SWAP70: variants seen among roughly 807,000 people sequenced by gnomAD.
The protein encoded by SWAP70 is switching B cell complex subunit SWAP70, also known as switch-associated protein 70.
Under a neutral mutation model 80.2 loss-of-function variants are expected in SWAP70, and 34 were observed. That is an observed-to-expected ratio of 0.42 (90% CI 0.32 to 0.56). SWAP70 has a LOEUF of 0.56. Ranked by LOEUF, SWAP70 falls within the 20% of genes least tolerant of loss-of-function variation. SWAP70 has a pLI of 0.09. For missense variants in SWAP70, 578 were observed against 690.7 expected (o/e 0.84, Z 1.83); for synonymous variants, 239 against 238.5 (o/e 1.00, Z -0.02).
intron 1 of SWAP70, among the ~76,000 whole-genome samples, chr11:9,671,112 AAAATATATAT>A (rs1737782548): frequency 7.3e-6 from 1 of 136,728 alleles, no homozygotes; most frequent in South Asian, 2.1e-4. Context: ...TATAAATATA[AAAATATATAT>A]AAATATATTT....
Position 9,672,438 on chromosome 11 carries a change from C to T in SWAP70, c.99+8160C>T, listed in dbSNP as rs377603356. On this transcript the variant is annotated intron_variant, in intron 1 of 11. Transcript: ENST00000318950. ...GGAGTGCAGTGGCACGATCATAGCT[C>T]ACCATACCCATGACCTCCATGCTGA... 1.8e-4 allele frequency among the ~76,000 whole-genome samples: 27 copies of T among 151,202 alleles called. No individual in the cohort carries two copies. In the East Asian group the frequency reaches 4.8e-3, roughly 27 times the overall value.
At chr11:9,673,331 A>G (rs374404820) in intron 1 of SWAP70, among the ~76,000 whole-genome samples, 4 of 152,210 alleles carry the variant, frequency 2.6e-5, no homozygotes, top group African/African-American at 9.7e-5. Flanking sequence ...ATTTTAAAGG[A>G]TACAAATAGA....
rs369560464 is a variant in SWAP70, at chr11:9,685,942, A to G, written c.100-8204A>G. 2.0e-3 allele frequency among the ~76,000 whole-genome samples: 299 copies of G among 152,150 alleles called. 1 individual carries two copies. Among genetic ancestry groups the G allele is most frequent in the African/African-American group, 6.7e-3 (279 of 41,530 alleles). ...GAGCCATTGCTCCCGGCGAGGCCTC[A>G]CCTCTTAATACTGACACATTGGAGA... is the stretch of plus-strand genomic sequence containing the variant. On this transcript the variant is annotated intron_variant, in intron 1 of 11. Transcript: ENST00000318950.
chr11:9,685,233 A>G (rs969421269), intron 1 of SWAP70, among the ~76,000 whole-genome samples: 1 of 151,868 alleles, frequency 6.6e-6, no homozygotes, highest in African/African-American at 2.4e-5. Flanking sequence ...ATGGGAAAGC[A>G]TGCTTTGTGG....
chr11:9,700,891 T>G (rs1251011825), intron 2 of SWAP70, among the ~76,000 whole-genome samples: 1 of 152,188 alleles, frequency 6.6e-6, no homozygotes, highest in African/African-American at 2.4e-5. Context: ...CTTGTCTTAA[T>G]TAGTGTATGG....
At chr11:9,670,780 G>C (rs1411202155) in intron 1 of SWAP70, among the ~76,000 whole-genome samples, 4 of 151,624 alleles carry the variant, frequency 2.6e-5, no homozygotes, top group African/African-American at 9.7e-5. Context: ...CTGAGGCGGA[G>C]TCTTGCTCTA....
chr11:9,696,957 A>T (rs1051913798), intron 2 of SWAP70, among the ~76,000 whole-genome samples: 18 of 152,198 alleles, frequency 1.2e-4, no homozygotes, highest in Non-Finnish European at 1.9e-4. Context: ...TATATCTGTA[A>T]TACCAGCATT....
At chr11:9,684,730 G>T (rs1474219943) in intron 1 of SWAP70, among the ~76,000 whole-genome samples, 2 of 152,074 alleles carry the variant, frequency 1.3e-5, no homozygotes, top group African/African-American at 4.8e-5. Flanking sequence ...AAACATGGTA[G>T]TATAGTAAAA....
chr11:9,725,530 AATATATATATATATATATAT>A (rs1211819180), intron 4 of SWAP70, among the ~76,000 whole-genome samples: 7 of 60,576 alleles, frequency 1.2e-4, no homozygotes, highest in Non-Finnish European at 1.4e-4. Flanking sequence ...AAAAATACAA[AATATATATATATATATATAT>A]ATATATATAT....
At chr11:9,671,374 AAAT>A (rs1172008141) in intron 1 of SWAP70, among the ~76,000 whole-genome samples, 2 of 112,726 alleles carry the variant, frequency 1.8e-5, no homozygotes, top group African/African-American at 7.3e-5. Flanking sequence ...AATAAAATAA[AAAT>A]AAAAATATAT....
At chr11:9,717,318 A>G (rs1851078597) in intron 3 of SWAP70, among the ~76,000 whole-genome samples, 1 of 152,228 alleles carries the variant, frequency 6.6e-6, no homozygotes, top group Non-Finnish European at 1.5e-5. Context: ...CTGCTGCTTG[A>G]AAGAATTGTG....
chr11:9,728,305 C>T (rs1851252822), intron 5 of SWAP70, 106 bp downstream of exon 5: 7 of 1,187,184 alleles, frequency 5.9e-6, no homozygotes, highest in Non-Finnish European at 7.7e-6. Flanking sequence ...AAAATAATCC[C>T]CAAATTTACA....
At chr11:9,743,884 T>TA (rs897778107) in intron 9 of SWAP70, among the ~76,000 whole-genome samples, 4 of 150,908 alleles carry the variant, frequency 2.7e-5, no homozygotes, top group Admixed American at 6.6e-5. Context: ...GACAGTGTCT[T>TA]AAAAAAAAAG....
At chr11:9,725,897 T>A (rs1851218742) in intron 4 of SWAP70, among the ~76,000 whole-genome samples, 1 of 152,154 alleles carries the variant, frequency 6.6e-6, no homozygotes, top group Admixed American at 6.5e-5. Context: ...ATTTTGGAAA[T>A]TCATAACCAC....
At position 9,683,415 on chromosome 11, in the gene SWAP70, C is replaced by CA. The variant is rs200211231; in HGVS notation, c.100-10722dup. Among the ~76,000 whole-genome samples the CA allele has an allele frequency of 2.4e-3, 346 of 145,300 alleles. 3 individuals are homozygous for CA. The highest frequency in any genetic ancestry group is 0.022 in the East Asian group (109 of 5,042). ...TGAGTAACAGAGCAAGACCCTGTCTCAAAAAAAAAGAAGAAAAAGAAAAGA... is the reference window on the plus strand; with the variant it reads ...TGAGTAACAGAGCAAGACCCTGTCTCAAAAAAAAAAGAAGAAAAAGAAAAGA... On this transcript the variant is annotated intron_variant, in intron 1 of 11. Transcript: ENST00000318950.
At chr11:9,736,920 G>T (rs538173933) in intron 7 of SWAP70, among the ~76,000 whole-genome samples, 6 of 152,158 alleles carry the variant, frequency 3.9e-5, no homozygotes, top group Non-Finnish European at 8.8e-5. Flanking sequence ...TCTGTCAGAC[G>T]TTTGGCTGGT....
intron 3 of SWAP70, among the ~76,000 whole-genome samples, chr11:9,719,076 A>G (rs1851101949): frequency 6.9e-6 from 1 of 144,590 alleles, no homozygotes; most frequent in Non-Finnish European, 1.5e-5. Flanking sequence ...CCTGGGGGAC[A>G]GAGCGAGACA....
chr11:9,737,561 A>G (rs573274031), intron 7 of SWAP70, among the ~76,000 whole-genome samples: 41 of 152,322 alleles, frequency 2.7e-4, no homozygotes, highest in East Asian at 9.6e-4. Flanking sequence ...AATGTATAAG[A>G]TGAAAAAACT....
At chr11:9,708,707 G>A (rs1195704535) in intron 2 of SWAP70, among the ~76,000 whole-genome samples, 1 of 152,146 alleles carries the variant, frequency 6.6e-6, no homozygotes, top group Non-Finnish European at 1.5e-5. Context: ...TCAGAGCAAG[G>A]CTATCTGCTT....
Sources: gnomAD v4.1 joint callset for allele counts (sites outside exome capture counted in the v4.1 genomes callset) on GRCh38, gnomAD v4.1.1 for gene constraint, MANE v1.5 for transcripts, NCBI Gene and HGNC (gene_info 2026-07-23, HGNC 2026-07-21) for gene names.